HDAC9: variants seen among roughly 807,000 people sequenced by gnomAD.
HDAC9 encodes histone deacetylase 9.
HDAC9 carries 41 observed loss-of-function variants against 139.4 expected under a neutral mutation model. That is an observed-to-expected ratio of 0.29 (90% CI 0.23 to 0.38). The LOEUF is 0.38. Among genes scored for constraint, HDAC9 ranks in the 10% least tolerant of loss-of-function variants. The probability of loss-of-function intolerance (pLI) is 1.00; values close to 1 mark genes in which losing one functional copy is unlikely to be tolerated. For missense variants in HDAC9, 1,147 were observed against 1,297.0 expected (o/e 0.88, Z 1.78); for synonymous variants, 517 against 476.2 (o/e 1.09, Z -1.12).
chr7:18,790,303 A>G (rs1792186633), intron 16 of HDAC9, among the ~76,000 whole-genome samples: 2 of 152,302 alleles, frequency 1.3e-5, no homozygotes, highest in South Asian at 4.1e-4. Flanking sequence ...ATATTTGACT[A>G]CCTTTTGAAA....
chr7:18,871,831 G>A (rs1419819248), intron 21 of HDAC9, among the ~76,000 whole-genome samples: 2 of 152,144 alleles, frequency 1.3e-5, no homozygotes, highest in Non-Finnish European at 2.9e-5. Flanking sequence ...AAAGAGATCT[G>A]TGGAGTCTCA....
chr7:18,413,123 G>A (rs1455276132), intron 1 of HDAC9, among the ~76,000 whole-genome samples: 3 of 152,092 alleles, frequency 2.0e-5, no homozygotes, highest in African/African-American at 7.2e-5. Context: ...AACTAAATAG[G>A]AAAGTTTTCA....
chr7:18,115,410 T>C (rs966962621), intron 1 of HDAC9, among the ~76,000 whole-genome samples: 10 of 152,208 alleles, frequency 6.6e-5, no homozygotes, highest in Admixed American at 2.0e-4. Flanking sequence ...AGAATATTTT[T>C]AGATGACAAA....
At chr7:18,268,356 T>G (rs1796128625) in intron 2 of HDAC9, among the ~76,000 whole-genome samples, 2 of 152,138 alleles carry the variant, frequency 1.3e-5, no homozygotes, top group Admixed American at 6.6e-5. Flanking sequence ...CTGTAATATT[T>G]AGCACATAGA....
chr7:18,983,589 T>C (rs766398169), intron 25 of HDAC9, among the ~76,000 whole-genome samples: 5 of 152,180 alleles, frequency 3.3e-5, no homozygotes, highest in African/African-American at 7.2e-5. Context: ...TTTTTTTGGA[T>C]AGATAGCTAA....
chr7:18,922,833 C>T (rs1489980570), intron 22 of HDAC9, among the ~76,000 whole-genome samples: 1 of 152,008 alleles, frequency 6.6e-6, no homozygotes, highest in Non-Finnish European at 1.5e-5. Flanking sequence ...GCTGATGCTT[C>T]CCAAGGTAGA....
rs185561206 is a variant in HDAC9 at position 18,172,053 on chromosome 7, G to A, written c.25+9704G>A. 1.2e-3 allele frequency among the ~76,000 whole-genome samples: 184 copies of A among 152,226 alleles called. 2 individuals are homozygous for A. Among genetic ancestry groups the A allele is most frequent in the Non-Finnish European group, 5.3e-4 (36 of 68,012 alleles). ...CCTCTTTGTACTTCTGGTAGAATTC[G>A]GCTGTGAATTCGTCTGGTTCTGGAC... On this transcript the variant is annotated intron_variant, in intron 2 of 12. Transcript: ENST00000417496.
At chr7:18,237,598 T>A (rs1385857405) in intron 2 of HDAC9, among the ~76,000 whole-genome samples, 1 of 152,106 alleles carries the variant, frequency 6.6e-6, no homozygotes, top group Non-Finnish European at 1.5e-5. Context: ...AGGGAGTTAA[T>A]GGTCAGAATA....
At chr7:18,774,937 G>C (rs1179277110) in intron 16 of HDAC9, among the ~76,000 whole-genome samples, 1 of 151,996 alleles carries the variant, frequency 6.6e-6, no homozygotes, top group East Asian at 1.9e-4. Context: ...TTTTGATTGA[G>C]AGTGTTGAGA....
At chr7:18,238,059 C>T (rs1793943535) in intron 2 of HDAC9, among the ~76,000 whole-genome samples, 1 of 152,064 alleles carries the variant, frequency 6.6e-6, no homozygotes, top group Non-Finnish European at 1.5e-5. Context: ...TTTCAGTGAA[C>T]CAATTAGAAC....
chr7:18,426,634 A>G (rs998667176), intron 1 of HDAC9, among the ~76,000 whole-genome samples: 4 of 152,202 alleles, frequency 2.6e-5, no homozygotes, highest in African/African-American at 9.6e-5. Flanking sequence ...CAAAAAGTTT[A>G]GTCACACTCA....
intron 2 of HDAC9, among the ~76,000 whole-genome samples, chr7:18,540,579 A>G (rs1224445736): frequency 6.6e-6 from 1 of 152,114 alleles, no homozygotes; most frequent in African/African-American, 2.4e-5. Context: ...CGGGGGTTAA[A>G]CAGACATGAA....
intron 25 of HDAC9, among the ~76,000 whole-genome samples, chr7:18,987,675 C>A (rs1368163823): frequency 1.3e-5 from 2 of 151,936 alleles, no homozygotes; most frequent in Admixed American, 1.3e-4. Flanking sequence ...TGGTAGAATT[C>A]GGCTGTGAAT....
chr7:18,284,860 A>G (rs542407340), intron 2 of HDAC9, among the ~76,000 whole-genome samples: 18 of 152,246 alleles, frequency 1.2e-4, no homozygotes, highest in South Asian at 2.1e-4. Flanking sequence ...TCATTTTGCT[A>G]TAAGTCAGAC....
rs1786634059 is a variant in HDAC9, at chr7:18,999,288, A to AAAT, written c.*3227_*3229dup. ...GGATCTCCTCCCACAAAGGCTTCAG[A>AAAT]AATTACAGGACTGGTCTCTCTTAAT... On this transcript the variant is annotated 3_prime_UTR_variant, in exon 26 of 26. Transcript: ENST00000686413. 1.3e-5 allele frequency: 2 copies of AAAT among 152,200 alleles called. No individual in the cohort carries two copies. Among genetic ancestry groups the AAAT allele is most frequent in the Admixed American group, 1.3e-4 (2 of 15,278 alleles). The allele number at this position is 152,200 out of a possible 1,614,324, so 9.4% of individuals were successfully genotyped here. A position where few individuals can be genotyped will look rare whatever the true frequency, so the allele number is the denominator to read the frequency against.
chr7:18,979,320 A>G (rs921120066), intron 25 of HDAC9, among the ~76,000 whole-genome samples: 1 of 151,870 alleles, frequency 6.6e-6, no homozygotes, highest in Admixed American at 6.5e-5. Flanking sequence ...TAAGATTTAT[A>G]TAGAAATATA....
At chr7:18,823,181 T>G (rs906404482) in intron 17 of HDAC9, among the ~76,000 whole-genome samples, 1 of 151,962 alleles carries the variant, frequency 6.6e-6, no homozygotes, top group Non-Finnish European at 1.5e-5. Flanking sequence ...GTGGGGTAGG[T>G]GGGTAGAATT....
At chr7:18,833,920 A>G (rs1796041419) in intron 19 of HDAC9, among the ~76,000 whole-genome samples, 1 of 152,228 alleles carries the variant, frequency 6.6e-6, no homozygotes, top group South Asian at 2.1e-4. Context: ...TAAGTCTCCT[A>G]TGGAGCAATA....
At chr7:18,132,819 C>A (rs1028044863) in intron 1 of HDAC9, among the ~76,000 whole-genome samples, 5 of 152,036 alleles carry the variant, frequency 3.3e-5, no homozygotes, top group African/African-American at 1.2e-4. Flanking sequence ...GGTGCAAGAC[C>A]TTTTCAAATG....
Sources: gnomAD v4.1 joint callset for allele counts (sites outside exome capture counted in the v4.1 genomes callset) on GRCh38, gnomAD v4.1.1 for gene constraint, MANE v1.5 for transcripts, NCBI Gene and HGNC (gene_info 2026-07-23, HGNC 2026-07-21) for gene names.